ABCA1: variants seen among roughly 807,000 people sequenced by gnomAD.
ABCA1 encodes ATP binding cassette subfamily A member 1.
Under a neutral mutation model 262.5 loss-of-function variants are expected in ABCA1, and 133 were observed. The observed-to-expected ratio is 0.51, with a 90% CI of 0.44 to 0.59. The LOEUF (loss-of-function observed/expected upper bound fraction) is 0.59, where lower values mean the gene tolerates loss of function less well. Among genes scored for constraint, ABCA1 ranks in the 20% least tolerant of loss-of-function variants. The probability of loss-of-function intolerance (pLI) is 0.00; values close to 1 mark genes in which losing one functional copy is unlikely to be tolerated. For synonymous variants in ABCA1, 1,022 were observed against 1,043.5 expected (o/e 0.98, Z 0.40); for missense variants, 2,452 against 2,777.5 (o/e 0.88, Z 2.63).
intron 18 of ABCA1, 48 bp downstream of exon 18, chr9:104,824,417 G>C: frequency 3.7e-6 from 6 of 1,612,610 alleles, no homozygotes; most frequent in Non-Finnish European, 4.2e-6. Context: ...AGTTAGCAGA[G>C]GCAGCAGCAC....
At chr9:104,807,178 C>T (rs1262879676) in intron 30 of ABCA1, among the ~76,000 whole-genome samples, 1 of 152,198 alleles carries the variant, frequency 6.6e-6, no homozygotes, top group East Asian at 1.9e-4. Context: ...GGATCTTATG[C>T]TCGATGTGCT....
chr9:104,828,976 C>A lies in ABCA1; in HGVS notation c.2055G>T (p.Trp685Cys), dbSNP rs780099047. The A allele has an allele frequency of 1.2e-6, 2 of 1,614,172 alleles. No individual in the cohort carries two copies. The highest frequency in any genetic ancestry group is 4.5e-5 in the East Asian group (2 of 44,874). The change falls in exon 15 of 50, where the codon TGG (tryptophan) becomes TGT (cysteine). Residue 685 changes from tryptophan to cysteine, a missense_variant. By Grantham distance (215) the Trp-to-Cys change is radical. This residue lies in a region of ABCA1 where 1,032 missense variants were observed against 1,089.7 expected (regional missense o/e 0.95). Coordinates refer to ENST00000374736, the MANE Select transcript of ABCA1 (RefSeq NM_005502.4). ...GAAGAGGAATGAGGCTACTAATGAA[C>A]CAGCTAAACCAGAGGATGCTGTTGT... ...GLDNSILWFS[W>C]FISSLIPLLV...
intron 5 of ABCA1, among the ~76,000 whole-genome samples, chr9:104,865,585 G>A (rs1283769949): frequency 6.6e-6 from 1 of 151,672 alleles, no homozygotes; most frequent in East Asian, 1.9e-4. Context: ...AAACAATGAT[G>A]TGGGGGAAAC....
intron 1 of ABCA1, among the ~76,000 whole-genome samples, chr9:104,926,689 G>A (rs769622403): frequency 6.7e-4 from 102 of 152,290 alleles, no homozygotes; most frequent in Admixed American, 1.2e-3. Flanking sequence ...GCAGAGCCCA[G>A]CCCAGCCCCG....
chr9:104,885,118 C>T (rs976476607), intron 3 of ABCA1, among the ~76,000 whole-genome samples: 23 of 152,158 alleles, frequency 1.5e-4, no homozygotes, highest in Admixed American at 1.4e-3. Flanking sequence ...CGCCTGTAAT[C>T]CCAGGTACTC....
chr9:104,919,911 C>T (rs1180319442), intron 1 of ABCA1, among the ~76,000 whole-genome samples: 1 of 152,204 alleles, frequency 6.6e-6, no homozygotes, highest in Non-Finnish European at 1.5e-5. Context: ...ATCAGGAATG[C>T]TCTGAGGCAT....
rs749278337 is a variant in ABCA1 at position 104,819,535 on chromosome 9, C to A, written c.3241+51G>T. The A allele has an allele frequency of 5.0e-6, 8 of 1,609,190 alleles. No homozygotes were observed. The South Asian group carries it at 5.5e-5, about 11-fold the overall frequency. On this transcript the variant is annotated intron_variant, in intron 22 of 49. Coordinates refer to ENST00000374736, the MANE Select transcript of ABCA1 (RefSeq NM_005502.4). ...GAGATACAGCCACACTTCTCAAAAGCCCCCCGCTCTCTCTCAGTCCATTTA... is the reference window on the plus strand; with the variant it reads ...GAGATACAGCCACACTTCTCAAAAGACCCCCGCTCTCTCTCAGTCCATTTA...
At chr9:104,812,802 A>C in intron 27 of ABCA1, 80 bp from the exon 28 acceptor site, 4 of 1,569,446 alleles carry the variant, frequency 2.5e-6, no homozygotes, top group Non-Finnish European at 2.6e-6. Context: ...TGGTGTCTTC[A>C]ACAACTATCT....
chr9:104,884,400 G>T, intron 4 of ABCA1, 27 bp downstream of exon 4: 1 of 1,613,932 alleles, frequency 6.2e-7, no homozygotes, highest in African/African-American at 1.3e-5. Flanking sequence ...TGACAAGTTT[G>T]GAAAGAAAAC....
intron 6 of ABCA1, among the ~76,000 whole-genome samples, chr9:104,861,175 G>A (rs914119031): frequency 2.6e-5 from 4 of 152,148 alleles, no homozygotes; most frequent in South Asian, 4.1e-4. Flanking sequence ...ACAAGCTGCA[G>A]GGACTGATCT....
At chr9:104,831,364 C>G (rs1329367379) in intron 13 of ABCA1, among the ~76,000 whole-genome samples, 1 of 151,828 alleles carries the variant, frequency 6.6e-6, no homozygotes, top group Non-Finnish European at 1.5e-5. Flanking sequence ...ATTACAGGTG[C>G]CTGCCACCAA....
intron 30 of ABCA1, among the ~76,000 whole-genome samples, chr9:104,807,481 T>G (rs2118916424): frequency 6.6e-6 from 1 of 152,294 alleles, no homozygotes; most frequent in South Asian, 2.1e-4. Flanking sequence ...AATTCCACAA[T>G]TTAAAGTAAA....
At chr9:104,795,921 A>T in intron 39 of ABCA1, 132 bp downstream of exon 39, 3 of 1,291,098 alleles carry the variant, frequency 2.3e-6, no homozygotes, top group Non-Finnish European at 3.3e-6. Flanking sequence ...GGGAAGACAG[A>T]CTCTGAAGAC....
chr9:104,788,966 A>C (rs2297405), intron 44 of ABCA1, among the ~76,000 whole-genome samples: 7,848 of 152,304 alleles, frequency 0.052, 350 homozygotes, highest in East Asian at 0.27. Flanking sequence ...AAGGCCCAGA[A>C]ATTTTGAGTG....
chr9:104,858,802 AAGATCTTAAAACAGGTT>A, intron 6 of ABCA1, 104 bp from the exon 7 acceptor site: 1 of 1,171,840 alleles, frequency 8.5e-7, no homozygotes, highest in South Asian at 1.2e-5. Flanking sequence ...TACAGCTTTG[AAGATCTTAAAACAGGTT>A]CCATTGCAAC....
At chr9:104,811,177 CCAAGAAGTT>C (rs1831249272) in intron 28 of ABCA1, among the ~76,000 whole-genome samples, 1 of 152,208 alleles carries the variant, frequency 6.6e-6, no homozygotes. Context: ...AGGCACTAAG[CCAAGAAGTT>C]CACGAAGTAA....
At chr9:104,926,960 C>T (rs977687776) in intron 1 of ABCA1, among the ~76,000 whole-genome samples, 3 of 151,566 alleles carry the variant, frequency 2.0e-5, no homozygotes, top group African/African-American at 7.3e-5. Flanking sequence ...GCCTATAATC[C>T]CAGCACTTGG....
intron 30 of ABCA1, among the ~76,000 whole-genome samples, chr9:104,808,815 A>G (rs1044905989): frequency 6.6e-6 from 1 of 152,184 alleles, no homozygotes; most frequent in African/African-American, 2.4e-5. Flanking sequence ...CTAAACCTGG[A>G]AACACTAACC....
At chr9:104,890,623 A>G (rs1839639808) in intron 2 of ABCA1, among the ~76,000 whole-genome samples, 1 of 150,676 alleles carries the variant, frequency 6.6e-6, no homozygotes, top group East Asian at 1.9e-4. Flanking sequence ...TTTTTTTGAG[A>G]CAGGGTCTTG....
Sources: allele counts gnomAD v4.1 joint callset (sites outside exome capture counted in the v4.1 genomes callset), GRCh38; gene constraint gnomAD v4.1.1; regional missense constraint gnomAD v4.1.1; transcripts MANE v1.5; gene names NCBI Gene and HGNC (gene_info 2026-07-23, HGNC 2026-07-21).